POLR1A: variants seen among roughly 807,000 people sequenced by gnomAD.
POLR1A encodes RNA polymerase I subunit A, also known as DNA-directed RNA polymerase I subunit RPA1.
Under a neutral mutation model 205.3 loss-of-function variants are expected in POLR1A, and 84 were observed. That is an observed-to-expected ratio of 0.41 (90% CI 0.34 to 0.49). The LOEUF is 0.49. Among genes scored for constraint, POLR1A ranks in the 20% least tolerant of loss-of-function variants. The probability of loss-of-function intolerance (pLI) is 0.22; values close to 1 mark genes in which losing one functional copy is unlikely to be tolerated. For missense variants in POLR1A, 1,645 were observed against 2,204.5 expected (o/e 0.75, Z 5.08); for synonymous variants, 799 against 863.7 (o/e 0.93, Z 1.31).
intron 16 of POLR1A, 49 bp downstream of exon 16, chr2:86,052,768 C>A: frequency 7.1e-7 from 1 of 1,413,142 alleles, no homozygotes. Flanking sequence ...GATGGCCAGG[C>A]GGCTGCGCTG....
intron 3 of POLR1A, among the ~76,000 whole-genome samples, chr2:86,096,502 G>T (rs1046001834): frequency 1.3e-5 from 2 of 152,066 alleles, no homozygotes; most frequent in African/African-American, 4.8e-5. Context: ...AAAGCTGGAG[G>T]CATCACACTA....
rs141623521 is a variant in POLR1A at position 86,069,982 on chromosome 2, A to G, written c.1866+36T>C. The G allele has an allele frequency of 5.6e-3, 9,013 of 1,596,392 alleles. 46 individuals carry two copies. Among genetic ancestry groups the G allele is most frequent in the Middle Eastern group, 7.1e-3 (40 of 5,630 alleles). ...AACTTAAAAGTGCTAAGTCATGCTG[A>G]CGATGACCACGGAACAGCCTCAAGG... On this transcript the variant is annotated intron_variant, in intron 13 of 33. Coordinates refer to ENST00000263857, the MANE Select transcript of POLR1A (RefSeq NM_015425.6).
chr2:86,041,584 C>T (rs1020888620), intron 24 of POLR1A, among the ~76,000 whole-genome samples: 3 of 152,216 alleles, frequency 2.0e-5, no homozygotes, highest in Non-Finnish European at 2.9e-5. Context: ...GATTCCCTGA[C>T]TCTCAGTCAG....
chr2:86,040,178 A>G (rs575345262), intron 25 of POLR1A: 27 of 419,774 alleles, frequency 6.4e-5, no homozygotes, highest in Non-Finnish European at 9.6e-5. Context: ...TTGGCAGAGG[A>G]ATAAATGGAG....
intron 18 of POLR1A, among the ~76,000 whole-genome samples, chr2:86,047,540 A>C (rs1304002860): frequency 6.6e-6 from 1 of 152,194 alleles, no homozygotes; most frequent in Non-Finnish European, 1.5e-5. Flanking sequence ...GCAAAAAGGG[A>C]GAAGGAAAAG....
At chr2:86,099,635 T>G (rs1673777241) in intron 2 of POLR1A, among the ~76,000 whole-genome samples, 1 of 152,132 alleles carries the variant, frequency 6.6e-6, no homozygotes, top group South Asian at 2.1e-4. Context: ...TTCTCTCTAT[T>G]ACCAGGCAGG....
chr2:86,081,457 C>G, intron 8 of POLR1A, 144 bp downstream of exon 8: 2 of 602,612 alleles, frequency 3.3e-6, no homozygotes, highest in Admixed American at 6.3e-5. Context: ...GGAAGGAAAG[C>G]AAGCCCTCCC....
rs1672557301 is a variant in POLR1A, at chr2:86,039,386, T to C, written c.3817A>G (p.Lys1273Glu). The C allele has an allele frequency of 3.7e-6, 6 of 1,614,132 alleles. No homozygotes were observed. The East Asian group carries it at 1.3e-4, about 36-fold the overall frequency. ...AGGCTTTTCACTCTCTTCAGGGCTT[T>C]CTTGGTGTTGAGCACGGGCACGCTC... is the stretch of plus-strand genomic sequence containing the variant. ...MMSVPVLNTK[K>E]ALKRVKSLKK... The change falls in exon 26 of 34, where the codon AAA (lysine) becomes GAA (glutamate). Residue 1273 changes from lysine to glutamate, a missense_variant. Coordinates refer to ENST00000263857, the MANE Select transcript of POLR1A (RefSeq NM_015425.6).
chr2:86,033,664 A>G lies in POLR1A; in HGVS notation c.4158T>C (p.Ser1386=). 1 of 1,612,528 alleles carries G rather than the reference A, an allele frequency of 6.2e-7. No homozygotes were observed. Among genetic ancestry groups the G allele is most frequent in the Non-Finnish European group, 8.5e-7 (1 of 1,179,706 alleles). Residue 1386 remains serine, a synonymous_variant, in exon 28 of 34, where the codon AGT becomes AGC. Coordinates refer to ENST00000263857, the MANE Select transcript of POLR1A (RefSeq NM_015425.6). The part of the protein sequence containing the change: ...DLDNAGELGR[S]RGEQEGDEEE... Reference sequence around the variant, plus strand: ...TGACCCCCGGGGACTCACTCACCCGACTCCTCCCCAACTCCCCAGCGTTGT... The same window carrying G: ...TGACCCCCGGGGACTCACTCACCCGGCTCCTCCCCAACTCCCCAGCGTTGT...
intron 4 of POLR1A, 151 bp downstream of exon 4, chr2:86,089,670 AT>A: frequency 1.6e-6 from 1 of 609,752 alleles, no homozygotes; most frequent in Admixed American, 2.9e-5. Context: ...CAGTTGTGTA[AT>A]TTGTGAGGTT....
chr2:86,052,532 C>T (rs1018938188), intron 16 of POLR1A, among the ~76,000 whole-genome samples: 22 of 152,086 alleles, frequency 1.4e-4, no homozygotes, highest in South Asian at 1.2e-3. Context: ...AGCTCCTTCC[C>T]GAGAGGACAC....
intron 11 of POLR1A, among the ~76,000 whole-genome samples, chr2:86,076,201 TACAC>T (rs1673280322): frequency 6.6e-6 from 1 of 152,220 alleles, no homozygotes; most frequent in Admixed American, 6.5e-5. Context: ...CTTCCAAATG[TACAC>T]AAATACACCA....
Position 86,031,311 on chromosome 2 carries a change from C to A in POLR1A, c.4578+19G>T. Reference sequence around the variant, plus strand: ...GCTGGACCAACCACCCAAGCCCTGGCCTGCACGGCCACACTGACCTGGCAC... The same window carrying A: ...GCTGGACCAACCACCCAAGCCCTGGACTGCACGGCCACACTGACCTGGCAC... On this transcript the variant is annotated intron_variant, in intron 30 of 33. Coordinates refer to ENST00000263857, the MANE Select transcript of POLR1A (RefSeq NM_015425.6). 2 of 1,530,234 alleles carry A rather than the reference C, an allele frequency of 1.3e-6. No homozygotes were observed. The highest frequency in any genetic ancestry group is 1.8e-6 in the Non-Finnish European group (2 of 1,137,170). The allele number at this position is 1,530,234 out of a possible 1,614,324, so 94.8% of individuals were successfully genotyped here. A position where few individuals can be genotyped will look rare whatever the true frequency, so the allele number is the denominator to read the frequency against.
chr2:86,075,634 G>A (rs541114969), intron 11 of POLR1A, among the ~76,000 whole-genome samples: 101 of 151,990 alleles, frequency 6.6e-4, no homozygotes, highest in Middle Eastern at 3.4e-3. Flanking sequence ...TCAGCCTCCC[G>A]AGTAACTGGG....
intron 1 of POLR1A, among the ~76,000 whole-genome samples, chr2:86,101,950 T>C (rs974197725): frequency 6.6e-6 from 1 of 152,244 alleles, no homozygotes; most frequent in African/African-American, 2.4e-5. Context: ...ATCCATGTTA[T>C]AGGATGTGTT....
chr2:86,097,678 C>T (rs529150924), intron 3 of POLR1A, among the ~76,000 whole-genome samples: 45 of 151,890 alleles, frequency 3.0e-4, no homozygotes, highest in Non-Finnish European at 5.0e-4. Context: ...TATGTGGAAG[C>T]CAAAAATAAA....
At chr2:86,051,606 G>C (rs988770593) in intron 16 of POLR1A, among the ~76,000 whole-genome samples, 2 of 152,208 alleles carry the variant, frequency 1.3e-5, no homozygotes, top group African/African-American at 4.8e-5. Context: ...TGCCTGACAC[G>C]CAGCATCTCG....
intron 25 of POLR1A, chr2:86,039,989 T>C: frequency 5.3e-6 from 1 of 189,152 alleles, no homozygotes. Flanking sequence ...GTCCAGCACA[T>C]ATATTTACCT....
At chr2:86,076,696 C>A (rs1324604279) in intron 11 of POLR1A, among the ~76,000 whole-genome samples, 1 of 152,202 alleles carries the variant, frequency 6.6e-6, no homozygotes, top group African/African-American at 2.4e-5. Context: ...ACCAAACAAA[C>A]CCAGATCTAA....
Sources: gnomAD v4.1 joint callset for allele counts (sites outside exome capture counted in the v4.1 genomes callset) on GRCh38, gnomAD v4.1.1 for gene constraint, MANE v1.5 for transcripts, NCBI Gene and HGNC (gene_info 2026-07-23, HGNC 2026-07-21) for gene names.